The following SLC25A28 variants were observed in gnomAD, a reference collection of about 807,000 sequenced individuals.
The protein encoded by SLC25A28 is mitoferrin-2.
In SLC25A28, 10 loss-of-function variants were observed where a neutral mutation model predicts 31.9. The ratio of observed to expected loss-of-function variants is 0.31; its 90% confidence interval spans 0.19 to 0.53. SLC25A28 has a LOEUF of 0.53. Among genes scored for constraint, SLC25A28 ranks in the 20% least tolerant of loss-of-function variants. The probability of loss-of-function intolerance (pLI) is 0.95; values close to 1 mark genes in which losing one functional copy is unlikely to be tolerated. For missense variants in SLC25A28, 256 were observed against 490.3 expected (o/e 0.52, Z 4.51); for synonymous variants, 208 against 203.6 (o/e 1.02, Z -0.19).
chr10:99,611,014 A>G lies in SLC25A28; in HGVS notation c.930T>C (p.Ser310=), dbSNP rs1453615162. The G allele has an allele frequency of 6.2e-7, 1 of 1,614,108 alleles. No individual in the cohort carries two copies. Among genetic ancestry groups the G allele is most frequent in the African/African-American group, 1.3e-5 (1 of 74,940 alleles). The change falls in exon 4 of 4, where the codon AGT becomes AGC. Residue 310 remains serine, a synonymous_variant. Transcript: ENST00000370495. This position sits in a 1 kb window ranked among gnomAD's most constrained non-coding sequence, Gnocchi z 5.5. The stretch of plus-strand genomic sequence containing the variant: ...CTACTTGATATACCGTCCTGAAGGC[A>G]CTAGCCATGCCTGTGATATGTCCTG... ...HITGHITGMA[S]AFRTVYQVGG...
chr10:99,631,878 A>ATTTTTTTTTTTTTTTTTTTTT, the SLC25A28 span, among the ~76,000 whole-genome samples: 3 of 92,904 alleles, frequency 3.2e-5, 1 homozygote, highest in Non-Finnish European at 2.0e-5. Flanking sequence ...TCAGTATGTT[A>ATTTTTTTTTTTTTTTTTTTTT]TTTTTTTTTT....
the SLC25A28 span, among the ~76,000 whole-genome samples, chr10:99,647,555 G>T: frequency 6.6e-6 from 1 of 152,086 alleles, no homozygotes; most frequent in South Asian, 2.1e-4. Context: ...GCAGATTCTG[G>T]ATATTAGTCC....
At chr10:99,626,191 C>T in the SLC25A28 span, among the ~76,000 whole-genome samples, 2 of 152,172 alleles carry the variant, frequency 1.3e-5, no homozygotes, top group African/African-American at 4.8e-5. Flanking sequence ...TTGATTCCAG[C>T]AGCCACACAT....
At chr10:99,650,697 A>G in the SLC25A28 span, among the ~76,000 whole-genome samples, 4 of 152,176 alleles carry the variant, frequency 2.6e-5, no homozygotes, top group African/African-American at 9.6e-5. Flanking sequence ...CGTATAGGAA[A>G]GCCTGGTTTC....
chr10:99,634,701 A>AAAT, the SLC25A28 span, among the ~76,000 whole-genome samples: 2 of 152,240 alleles, frequency 1.3e-5, no homozygotes, highest in African/African-American at 2.4e-5. Context: ...GAGAAATCTA[A>AAAT]AAGTTTGGAA....
intron 1 of SLC25A28, chr10:99,615,861 C>A (rs1223220056): frequency 2.0e-6 from 2 of 985,274 alleles, no homozygotes; most frequent in Non-Finnish European, 2.4e-6. Flanking sequence ...CTGCTGCAGT[C>A]AATGGTGTAT....
At chr10:99,612,444 TA>T in intron 3 of SLC25A28, 98 bp downstream of exon 3, 1 of 1,383,080 alleles carries the variant, frequency 7.2e-7, no homozygotes, top group African/African-American at 1.4e-5. Flanking sequence ...TAAAACAAGG[TA>T]ACAGAATTTC....
chr10:99,613,290 G>T lies in SLC25A28; in HGVS notation c.520+406C>A. 1.4e-6 allele frequency: 1 copy of T among 731,080 alleles called. No homozygotes were observed. The highest frequency in any genetic ancestry group is 1.7e-6 in the Non-Finnish European group (1 of 597,856). 45.3% of individuals were successfully genotyped at this position (731,080 alleles called of 1,614,324 possible). A position where few individuals can be genotyped will look rare whatever the true frequency, so the allele number is the denominator to read the frequency against. ...GGATCCTGAAAAGGTGAGGCAAAAA[G>T]CAGGGGCTTCATTAGTATCTTCCTT... On this transcript the variant is annotated intron_variant, in intron 2 of 3. Coordinates refer to ENST00000370495, the MANE Select transcript of SLC25A28 (RefSeq NM_031212.4). The surrounding 1 kb of genome is among the most constrained non-coding windows in gnomAD (Gnocchi z 4.9).
In SLC25A28 at chr10:99,611,134, G is replaced by A. The variant is rs1193525175; in HGVS notation, c.810C>T (p.Cys270=). 23 of 1,614,054 alleles carry A rather than the reference G, an allele frequency of 1.4e-5. No individual in the cohort carries two copies. Among genetic ancestry groups the A allele is most frequent in the African/African-American group, 6.7e-5 (5 of 74,910 alleles). ...NPSSHVLSGA[C]AGAVAAAATT... ...TGGCTGCGGCAGCTACAGCTCCTGC[G>A]CAAGCTCCAGAGAGGACGTGGGAGC... Residue 270 remains cysteine, a synonymous_variant, in exon 4 of 4, where the codon TGC becomes TGT. Coordinates refer to ENST00000370495, the MANE Select transcript of SLC25A28 (RefSeq NM_031212.4). This position sits in a 1 kb window ranked among gnomAD's most constrained non-coding sequence, Gnocchi z 5.5.
At chr10:99,651,930 T>G in the SLC25A28 span, 5 of 152,102 alleles carry the variant, frequency 3.3e-5, no homozygotes, top group Admixed American at 6.6e-5. Context: ...TTTCTTTTGG[T>G]GTGTGAGTGT....
the SLC25A28 span, among the ~76,000 whole-genome samples, chr10:99,652,695 AGT>A: frequency 6.6e-6 from 1 of 152,158 alleles, no homozygotes; most frequent in Middle Eastern, 3.2e-3. Context: ...CCTCTGTTCA[AGT>A]ACTACGGGCT....
the SLC25A28 span, among the ~76,000 whole-genome samples, chr10:99,638,863 A>G: frequency 5.9e-5 from 9 of 152,198 alleles, no homozygotes; most frequent in South Asian, 4.1e-4. Context: ...TACAGCCACT[A>G]TGGAAAACAG....
chr10:99,648,482 G>A, the SLC25A28 span, among the ~76,000 whole-genome samples: 2,223 of 152,026 alleles, frequency 0.015, 63 homozygotes, highest in African/African-American at 0.05. Flanking sequence ...TATAATTCTG[G>A]GAAAAATGAC....
At chr10:99,652,981 A>C in the SLC25A28 span, among the ~76,000 whole-genome samples, 1 of 152,316 alleles carries the variant, frequency 6.6e-6, no homozygotes, top group Admixed American at 6.5e-5. Context: ...ACATAGCACA[A>C]AACTCAAAAT....
At chr10:99,643,358 G>T in the SLC25A28 span, among the ~76,000 whole-genome samples, 1 of 152,178 alleles carries the variant, frequency 6.6e-6, no homozygotes, top group East Asian at 1.9e-4. Flanking sequence ...TTCCTTAGAG[G>T]TGTTTATAGT....
Position 99,619,255 on chromosome 10 carries a change from T to C in SLC25A28, c.291+790A>G, listed in dbSNP as rs577958925. On this transcript the variant is annotated intron_variant, in intron 1 of 3. Transcript: ENST00000370495. ...CTTCATACTTACATCTACTTTCTAA[T>C]ACCGTCACACTTCCTTTCTAGGCAA... 6.0e-5 allele frequency: 59 copies of C among 985,418 alleles called. No individual in the cohort carries two copies. The African/African-American group carries it at 9.6e-4, about 16-fold the overall frequency. The allele number at this position is 985,418 out of a possible 1,614,324, so 61.0% of individuals were successfully genotyped here.
At chr10:99,658,064 C>T in the SLC25A28 span, among the ~76,000 whole-genome samples, 1 of 152,096 alleles carries the variant, frequency 6.6e-6, no homozygotes, top group Non-Finnish European at 1.5e-5. Context: ...TGGCACGTGC[C>T]TGTAGAGCCA....
the SLC25A28 span, among the ~76,000 whole-genome samples, chr10:99,653,669 T>C: frequency 5.3e-5 from 8 of 152,228 alleles, no homozygotes; most frequent in African/African-American, 1.7e-4. Flanking sequence ...CATCTCTTTT[T>C]CTTTTTTCCT....
At chr10:99,637,075 C>CA in the SLC25A28 span, among the ~76,000 whole-genome samples, 2 of 152,114 alleles carry the variant, frequency 1.3e-5, no homozygotes, top group East Asian at 3.9e-4. Flanking sequence ...AACAACATAT[C>CA]AAAAAGATAA....
Sources: allele counts gnomAD v4.1 joint callset (sites outside exome capture counted in the v4.1 genomes callset), GRCh38; gene constraint gnomAD v4.1.1; non-coding constraint Gnocchi (gnomAD v3.1); transcripts MANE v1.5; gene names NCBI Gene and HGNC (gene_info 2026-07-23, HGNC 2026-07-21).